The following NRG2 variants were observed in gnomAD, a reference collection of about 807,000 sequenced individuals.
NRG2 encodes neuregulin 2.
In NRG2, 27 loss-of-function variants were observed where a neutral mutation model predicts 73.9. The ratio of observed to expected loss-of-function variants is 0.37; its 90% CI spans 0.27 to 0.50. NRG2 has a LOEUF of 0.50. Among genes scored for constraint, NRG2 ranks in the 20% least tolerant of loss-of-function variants. NRG2 has a pLI of 0.96. For synonymous variants in NRG2, 532 were observed against 541.0 expected (o/e 0.98, Z 0.23); for missense variants, 1,126 against 1,210.1 (o/e 0.93, Z 1.03).
At chr5:140,040,470 G>A (rs1249143418) in intron 1 of NRG2, among the ~76,000 whole-genome samples, 2 of 152,288 alleles carry the variant, frequency 1.3e-5, no homozygotes, top group East Asian at 3.9e-4. Flanking sequence ...CAAACAATGT[G>A]TAATTGATAA....
rs1759175842 is a variant in NRG2 at position 140,009,390 on chromosome 5, T to C, written c.700+32980A>G. On this transcript the variant is annotated intron_variant, in intron 1 of 9. Transcript: ENST00000361474. ...ATACTCTATGTTACCCATAATATTC[T>C]AAATGGGATTCTACATACAGGAGGC... Among the ~76,000 whole-genome samples the C allele has an allele frequency of 3.3e-5, 5 of 152,218 alleles. No individual in the cohort carries two copies. The South Asian group carries it at 1.0e-3, about 32-fold the overall frequency.
intron 1 of NRG2, among the ~76,000 whole-genome samples, chr5:140,010,875 G>A (rs1759310557): frequency 6.6e-6 from 1 of 152,208 alleles, no homozygotes; most frequent in South Asian, 2.1e-4. Context: ...TCTAAGACTT[G>A]TTAACAGTTG....
intron 1 of NRG2, among the ~76,000 whole-genome samples, chr5:139,986,864 C>A (rs1451298482): frequency 1.3e-5 from 2 of 152,098 alleles, no homozygotes; most frequent in African/African-American, 2.4e-5. Flanking sequence ...GCTTTAGAGG[C>A]TCTGAGGGGA....
At chr5:139,848,779 G>GGGGGGCC in intron 9 of NRG2, 82 bp from the exon 10 acceptor site, 1 of 198,602 alleles carries the variant, frequency 5.0e-6, no homozygotes, top group Non-Finnish European at 1.0e-5. Context: ...GGTAGGGTGG[G>GGGGGGCC]AGGGGCGGAC....
rs575275835 is a variant in NRG2 at position 139,852,475 on chromosome 5, G to A, written c.1501C>T (p.Pro501Ser). Residue 501 changes from proline (P) to serine (S), a missense_variant, in exon 8 of 10, where the codon CCT becomes TCT. By Grantham distance (74) the Pro-to-Ser change is moderately conservative (BLOSUM62 -1). This residue lies in a region of NRG2 where 539 missense variants were observed against 703.2 expected (regional missense o/e 0.77). Transcript: ENST00000361474. The surrounding 1 kb of genome is among the most constrained non-coding windows in gnomAD (Gnocchi z 4.4). ...GTGGCTGTGGAGCAGTGGTGAGAAG[G>A]AGAACAGGAGTGGCTCCCAGAGAAG... Reference protein sequence around the residue: ...TTFSGSHSCSPSHHCSTATPT... With the variant: ...TTFSGSHSCSSSHHCSTATPT... The A allele has an allele frequency of 1.1e-5, 17 of 1,614,128 alleles. No homozygotes were observed. The highest frequency in any genetic ancestry group is 1.7e-4 in the Middle Eastern group (1 of 6,050).
At chr5:140,016,714 T>C (rs1207611308) in intron 1 of NRG2, among the ~76,000 whole-genome samples, 3 of 152,212 alleles carry the variant, frequency 2.0e-5, no homozygotes, top group Non-Finnish European at 4.4e-5. Flanking sequence ...AAAAACCTCC[T>C]TAAGGAAGTA....
In NRG2 at chr5:139,848,358, G is replaced by T. The variant is rs1370543231; in HGVS notation, c.2112C>A (p.Pro704=). ...ACTCGTCGTCCTCGGGGATGCGGAA[G>T]GGGCTGGCAGGCAGGCTGCCCAGGC... ...GGSLGSLPAS[P]FRIPEDDEYE... Residue 704 remains proline (P), a synonymous_variant, in exon 10 of 10, where the codon CCC becomes CCA. Transcript: ENST00000361474. 4 of 1,226,124 alleles carry T rather than the reference G, an allele frequency of 3.3e-6. No homozygotes were observed. The highest frequency in any genetic ancestry group is 4.1e-6 in the Non-Finnish European group (4 of 987,300). 76.0% of individuals were successfully genotyped at this position (1,226,124 alleles called of 1,614,324 possible).
intron 1 of NRG2, among the ~76,000 whole-genome samples, chr5:140,034,192 C>T (rs1404202460): frequency 6.6e-6 from 1 of 152,166 alleles, no homozygotes; most frequent in African/African-American, 2.4e-5. Context: ...GATCTCCTGA[C>T]CTCATGATCC....
In NRG2 at chr5:139,994,046, T is replaced by C. The variant is rs570133365; in HGVS notation, c.700+48324A>G. ...TATAATGAAAGAACAATTTCTTTCT[T>C]TTTTAAAAATGTATGATTTATTTGA... On this transcript the variant is annotated intron_variant, in intron 1 of 9. Coordinates refer to ENST00000361474, the MANE Select transcript of NRG2 (RefSeq NM_004883.3). 2.1e-3 allele frequency among the ~76,000 whole-genome samples: 324 copies of C among 152,334 alleles called. 2 individuals carry two copies. Among genetic ancestry groups the C allele is most frequent in the African/African-American group, 7.5e-3 (310 of 41,570 alleles).
At chr5:139,849,108 C>T (rs749718274) in intron 9 of NRG2, among the ~76,000 whole-genome samples, 36 of 152,138 alleles carry the variant, frequency 2.4e-4, no homozygotes, top group African/African-American at 7.7e-4. Context: ...AAGACCCTTC[C>T]GCCAGTCCCA....
chr5:139,857,006 GC>G (rs1036079977), intron 5 of NRG2, among the ~76,000 whole-genome samples: 2 of 152,152 alleles, frequency 1.3e-5, no homozygotes, highest in African/African-American at 4.8e-5. Context: ...GTTCAGCCAG[GC>G]ATGTGTCTCC....
intron 6 of NRG2, among the ~76,000 whole-genome samples, chr5:139,854,371 G>T (rs893784097): frequency 6.6e-6 from 1 of 152,254 alleles, no homozygotes; most frequent in Non-Finnish European, 1.5e-5. Flanking sequence ...GCCAAGGTTA[G>T]GTGACTCTAA....
intron 1 of NRG2, among the ~76,000 whole-genome samples, chr5:139,937,319 C>T (rs1029565407): frequency 6.6e-6 from 1 of 152,098 alleles, no homozygotes; most frequent in Non-Finnish European, 1.5e-5. Flanking sequence ...GGGATTCCCT[C>T]GATCTGATAA....
intron 1 of NRG2, among the ~76,000 whole-genome samples, chr5:139,916,580 A>T (rs974600196): frequency 1.3e-5 from 2 of 151,834 alleles, no homozygotes; most frequent in African/African-American, 4.8e-5. Flanking sequence ...CCTGGCAACC[A>T]CTGATTGACT....
At chr5:139,899,234 A>G (rs1020125243) in intron 1 of NRG2, among the ~76,000 whole-genome samples, 2 of 152,174 alleles carry the variant, frequency 1.3e-5, no homozygotes, top group Non-Finnish European at 2.9e-5. Context: ...TCAATCAGTG[A>G]TTCTTAAACA....
chr5:139,918,382 T>G (rs1299463201), intron 1 of NRG2, among the ~76,000 whole-genome samples: 1 of 152,194 alleles, frequency 6.6e-6, no homozygotes, highest in Non-Finnish European at 1.5e-5. Context: ...TGATAGTAGC[T>G]TTTAGCTTTT....
Position 140,042,866 on chromosome 5 carries a change from C to G in NRG2, c.204G>C (p.Gln68His). 1 of 1,508,604 alleles carries G rather than the reference C, an allele frequency of 6.6e-7. No homozygotes were observed. The highest frequency in any genetic ancestry group is 1.2e-5 in the South Asian group (1 of 81,070). 93.5% of individuals were successfully genotyped at this position (1,508,604 alleles called of 1,614,324 possible). ...RPAAPPEPRP[Q>H]QQPQPRSPAA... Reference sequence around the variant, plus strand: ...CGGGGCTGCGGGGCTGCGGCTGTTGCTGCGGCCGCGGCTCTGGGGGCGCAG... The same window carrying G: ...CGGGGCTGCGGGGCTGCGGCTGTTGGTGCGGCCGCGGCTCTGGGGGCGCAG... The change falls in exon 1 of 10, where the codon CAG becomes CAC. Residue 68 changes from glutamine to histidine, a missense_variant. By Grantham distance (24) the Gln-to-His change is conservative (BLOSUM62 0). Around this residue, in one of 3 missense-constraint regions of NRG2, gnomAD observed 185 missense variants for 149.0 expected, o/e 1.24. Transcript: ENST00000361474.
chr5:140,010,284 C>G (rs543208118), intron 1 of NRG2, among the ~76,000 whole-genome samples: 1 of 150,966 alleles, frequency 6.6e-6, no homozygotes, highest in East Asian at 1.9e-4. Context: ...AGTGACACAG[C>G]GAGACTGTCT....
intron 1 of NRG2, among the ~76,000 whole-genome samples, chr5:139,938,562 C>T (rs913094736): frequency 1.5e-4 from 23 of 151,858 alleles, no homozygotes; most frequent in Non-Finnish European, 2.1e-4. Context: ...GATGAAGTCT[C>T]GCTGTGTTCC....
Sources: allele counts gnomAD v4.1 joint callset (sites outside exome capture counted in the v4.1 genomes callset), GRCh38; gene constraint gnomAD v4.1.1; regional missense constraint gnomAD v4.1.1; non-coding constraint Gnocchi (gnomAD v3.1); transcripts MANE v1.5; gene names NCBI Gene and HGNC (gene_info 2026-07-23, HGNC 2026-07-21).